Variants in QKI observed in about 807,000 individuals in gnomAD.
QKI encodes QKI, KH domain containing RNA binding.
QKI carries 10 observed loss-of-function variants against 39.0 expected under a neutral mutation model. That is an observed-to-expected ratio of 0.26 (90% CI 0.16 to 0.43). The LOEUF (loss-of-function observed/expected upper bound fraction) is 0.43, where lower values mean the gene tolerates loss of function less well. QKI is among the 20% of genes least tolerant of loss of function. QKI has a pLI of 1.00. For synonymous variants in QKI, 204 were observed against 155.4 expected (o/e 1.31, Z -2.33); for missense variants, 218 against 428.0 (o/e 0.51, Z 4.33).
chr6:163,466,400 C>T (rs1329882930), intron 2 of QKI, among the ~76,000 whole-genome samples: 1 of 151,990 alleles, frequency 6.6e-6, no homozygotes, highest in Non-Finnish European at 1.5e-5. Context: ...AAAAAACAAT[C>T]CTAAAATTCA....
intron 3 of QKI, among the ~76,000 whole-genome samples, chr6:163,488,431 C>T (rs190285479): frequency 3.7e-4 from 57 of 152,230 alleles, no homozygotes; most frequent in Non-Finnish European, 4.3e-4. Context: ...GAAATACACA[C>T]GAATATTTTC....
chr6:163,552,637 A>C (rs1046130249), intron 4 of QKI, among the ~76,000 whole-genome samples: 4 of 152,182 alleles, frequency 2.6e-5, no homozygotes, highest in African/African-American at 9.7e-5. Flanking sequence ...GCATGGTTCA[A>C]GCCCATCCAT....
chr6:163,503,366 GA>G (rs538409666), intron 3 of QKI, among the ~76,000 whole-genome samples: 1 of 151,918 alleles, frequency 6.6e-6, no homozygotes, highest in Admixed American at 6.6e-5. Context: ...ACCATTGATT[GA>G]ATATAGGGGG....
rs551735797 is a variant in QKI, at chr6:163,511,648, A to G, written c.403-23334A>G. Among the ~76,000 whole-genome samples, 236 of 152,150 alleles carry G rather than the reference A, an allele frequency of 1.6e-3. 3 individuals carry two copies. The highest frequency in any genetic ancestry group is 5.5e-3 in the African/African-American group (228 of 41,572). The stretch of plus-strand genomic sequence containing the variant: ...AAACACAAATTATTACCCAGGAGCA[A>G]TAGAAAATTTTAGTATCCCTATATT... On this transcript the variant is annotated intron_variant, in intron 3 of 7. Coordinates refer to ENST00000361752, the MANE Select transcript of QKI (RefSeq NM_006775.3).
intron 3 of QKI, among the ~76,000 whole-genome samples, chr6:163,517,075 C>CTT (rs745529229): frequency 8.2e-4 from 33 of 40,242 alleles, no homozygotes; most frequent in African/African-American, 2.9e-3. Flanking sequence ...CTCTCTCTCT[C>CTT]TCTCTTTCTC....
In QKI at chr6:163,457,812, C is replaced by T. The variant is rs140442216; in HGVS notation, c.285+2391C>T. Among the ~76,000 whole-genome samples, 527 of 152,060 alleles carry T rather than the reference C, an allele frequency of 3.5e-3. 2 individuals are homozygous for T. Among genetic ancestry groups the T allele is most frequent in the African/African-American group, 0.012 (516 of 41,474 alleles). ...TGGACATTTCAGTGACAAAGACAAA[C>T]AGTACACAAATGAATCTATAGCTGT... On this transcript the variant is annotated intron_variant, in intron 2 of 7. Transcript: ENST00000361752.
intron 2 of QKI, among the ~76,000 whole-genome samples, chr6:163,462,192 G>A (rs1022410340): frequency 5.9e-5 from 9 of 152,202 alleles, no homozygotes; most frequent in African/African-American, 2.2e-4. Context: ...CTGGGCTCAA[G>A]CAATCTTCCT....
chr6:163,461,996 T>G (rs1021133191), intron 2 of QKI, among the ~76,000 whole-genome samples: 3 of 152,228 alleles, frequency 2.0e-5, no homozygotes, highest in Non-Finnish European at 4.4e-5. Flanking sequence ...GAAAAGTACC[T>G]TAGTTTTTGA....
chr6:163,433,675 G>A lies in QKI; in HGVS notation c.142+18340G>A, dbSNP rs188989926. Among the ~76,000 whole-genome samples the A allele has an allele frequency of 1.1e-4, 17 of 152,076 alleles. 1 individual carries two copies. Among genetic ancestry groups the A allele is most frequent in the African/African-American group, 4.1e-4 (17 of 41,400 alleles). On this transcript the variant is annotated intron_variant, in intron 1 of 7. Coordinates refer to ENST00000361752, the MANE Select transcript of QKI (RefSeq NM_006775.3). Reference sequence around the variant, plus strand: ...CCAGCTACTGGGGAGGCTGAGGTGGGAGAATCGCTTGAACCTGGGAGGCAG... The same window carrying A: ...CCAGCTACTGGGGAGGCTGAGGTGGAAGAATCGCTTGAACCTGGGAGGCAG...
intron 2 of QKI, among the ~76,000 whole-genome samples, chr6:163,470,718 A>T (rs1792119430): frequency 6.6e-6 from 1 of 152,154 alleles, no homozygotes; most frequent in Non-Finnish European, 1.5e-5. Context: ...TAAAAGAAAA[A>T]CTAAGCCAGA....
chr6:163,570,659 T>A, intron 7 of QKI, 35 bp from the exon 8 acceptor site: 1 of 1,604,882 alleles, frequency 6.2e-7, no homozygotes, highest in Non-Finnish European at 8.5e-7. Flanking sequence ...CTTTTCTTTT[T>A]TTTGTTTTGT....
At chr6:163,519,368 G>A (rs938231860) in intron 3 of QKI, among the ~76,000 whole-genome samples, 1 of 152,044 alleles carries the variant, frequency 6.6e-6, no homozygotes, top group African/African-American at 2.4e-5. Context: ...AAGACAGCTT[G>A]ACAAAAGGGG....
rs114534857 is a variant in QKI at position 163,544,307 on chromosome 6, G to T, written c.546+9182G>T. On this transcript the variant is annotated intron_variant, in intron 4 of 7. Coordinates refer to ENST00000361752, the MANE Select transcript of QKI (RefSeq NM_006775.3). Reference sequence around the variant, plus strand: ...ACTGGAGCATGTGCGTAGGTTATATGCAAATACTATGCCATTTTATATCAT... The same window carrying T: ...ACTGGAGCATGTGCGTAGGTTATATTCAAATACTATGCCATTTTATATCAT... Among the ~76,000 whole-genome samples the T allele has an allele frequency of 2.9e-3, 434 of 152,130 alleles. 2 individuals are homozygous for T. The highest frequency in any genetic ancestry group is 9.7e-3 in the African/African-American group (403 of 41,550).
chr6:163,567,314 C>T (rs748278925), intron 7 of QKI: 3 of 985,716 alleles, frequency 3.0e-6, no homozygotes, highest in Non-Finnish European at 1.2e-6. Flanking sequence ...ATGTCAAGTA[C>T]TTAGCTAAAA....
intron 1 of QKI, among the ~76,000 whole-genome samples, chr6:163,444,216 A>C (rs1000797131): frequency 7.2e-5 from 11 of 152,202 alleles, no homozygotes; most frequent in African/African-American, 2.4e-4. Flanking sequence ...GGAGCACAAA[A>C]TGGAATTCTC....
chr6:163,567,225 T>C (rs1783419645), intron 7 of QKI: 3 of 988,016 alleles, frequency 3.0e-6, no homozygotes, highest in Middle Eastern at 5.2e-4. Context: ...CTGTGTACTT[T>C]TGGAGAAAAC....
chr6:163,473,962 C>T (rs1562467431), intron 2 of QKI, among the ~76,000 whole-genome samples: 1 of 151,844 alleles, frequency 6.6e-6, no homozygotes, highest in Non-Finnish European at 1.5e-5. Flanking sequence ...ACAATTTGCT[C>T]AAGTTGATTT....
At chr6:163,502,438 C>G (rs1460589826) in intron 3 of QKI, among the ~76,000 whole-genome samples, 1 of 151,952 alleles carries the variant, frequency 6.6e-6, no homozygotes, top group Non-Finnish European at 1.5e-5. Flanking sequence ...TATGTTAACC[C>G]ATTTGAACCT....
At chr6:163,432,017 T>G (rs1788873423) in intron 1 of QKI, among the ~76,000 whole-genome samples, 1 of 152,184 alleles carries the variant, frequency 6.6e-6, no homozygotes, top group African/African-American at 2.4e-5. Flanking sequence ...CAGAAATATA[T>G]TTAAGTTACA....
Sources: allele counts gnomAD v4.1 joint callset (sites outside exome capture counted in the v4.1 genomes callset), GRCh38; gene constraint gnomAD v4.1.1; transcripts MANE v1.5; gene names NCBI Gene and HGNC (gene_info 2026-07-23, HGNC 2026-07-21).